MMP26: variants seen among roughly 807,000 people sequenced by gnomAD.
MMP26 encodes matrix metalloproteinase-26.
MMP26 carries 33 observed loss-of-function variants against 31.0 expected under a neutral mutation model. The ratio of observed to expected loss-of-function variants is 1.06; its 90% CI spans 0.81 to 1.42. The LOEUF is 1.42. Among genes scored for constraint, MMP26 ranks in the 40% most tolerant of loss-of-function variants. The pLI is 0.00. For missense variants in MMP26, 347 were observed against 316.1 expected (o/e 1.10, Z -0.74); for synonymous variants, 122 against 114.9 (o/e 1.06, Z -0.40).
intron 2 of MMP26, among the ~76,000 whole-genome samples, chr11:4,979,695 C>T (rs917570374): frequency 2.6e-5 from 4 of 152,060 alleles, no homozygotes; most frequent in Admixed American, 2.0e-4. Flanking sequence ...CTTGTGTGGT[C>T]TCTGCAGACT....
chr11:4,820,793 A>G (rs11034067), intron 2 of MMP26, among the ~76,000 whole-genome samples: 16,064 of 152,248 alleles, frequency 0.11, 1,032 homozygotes, highest in Middle Eastern at 0.17. Flanking sequence ...TGTACGATCT[A>G]TCTCCAAGAG....
At chr11:4,923,853 A>G in intron 2 of MMP26, 2 of 1,614,012 alleles carry the variant, frequency 1.2e-6, no homozygotes, top group Non-Finnish European at 1.7e-6. Context: ...TTCAGGAGGA[A>G]TGGCAAGGGG....
intron 1 of MMP26, among the ~76,000 whole-genome samples, chr11:4,731,416 A>G (rs1848171835): frequency 2.6e-5 from 4 of 152,042 alleles, no homozygotes; most frequent in Admixed American, 2.6e-4. Context: ...TGTATAGCTC[A>G]TTTGTGTAAG....
At chr11:4,746,916 T>C (rs987980968) in intron 1 of MMP26, among the ~76,000 whole-genome samples, 2 of 151,896 alleles carry the variant, frequency 1.3e-5, no homozygotes, top group African/African-American at 4.8e-5. Context: ...GTCTCAGTTC[T>C]TAAGGCCACA....
At position 4,716,856 on chromosome 11, in the gene MMP26, T is replaced by C. The variant is rs543706908; in HGVS notation, c.-217+11811T>C. Among the ~76,000 whole-genome samples, 5 of 151,694 alleles carry C rather than the reference T, an allele frequency of 3.3e-5. No homozygotes were observed. The South Asian group carries it at 1.0e-3, about 32-fold the overall frequency. Reference sequence around the variant, plus strand: ...TTTTGTATTTTTAGTAGAGATGGGGTCTCACCATTTTGGCCAGGCTGGTCT... The same window carrying C: ...TTTTGTATTTTTAGTAGAGATGGGGCCTCACCATTTTGGCCAGGCTGGTCT... On this transcript the variant is annotated intron_variant, in intron 1 of 7. Transcript: ENST00000380390.
At chr11:4,783,516 A>T (rs541896305) in intron 2 of MMP26, among the ~76,000 whole-genome samples, 1 of 152,202 alleles carries the variant, frequency 6.6e-6, no homozygotes, top group South Asian at 2.1e-4. Context: ...CTTGGATGAG[A>T]CTTTGGACTG....
intron 2 of MMP26, among the ~76,000 whole-genome samples, chr11:4,978,899 T>C (rs889468447): frequency 6.6e-6 from 1 of 152,140 alleles, no homozygotes; most frequent in Non-Finnish European, 1.5e-5. Context: ...AGAAAAGGAC[T>C]ATACCCTAAA....
chr11:4,913,626 T>A (rs1851026332), intron 2 of MMP26: 1 of 152,212 alleles, frequency 6.6e-6, no homozygotes, highest in South Asian at 2.1e-4. Context: ...TTCCTTGGCT[T>A]ATAATCTCTT....
At chr11:4,908,138 CT>C in intron 2 of MMP26, 4 of 1,614,202 alleles carry the variant, frequency 2.5e-6, no homozygotes, top group Non-Finnish European at 3.4e-6. Flanking sequence ...CATCATCACC[CT>C]GGCTGCCATG....
chr11:4,860,392 T>C (rs1335567087), intron 2 of MMP26: 4 of 471,098 alleles, frequency 8.5e-6, no homozygotes, highest in South Asian at 1.5e-5. Context: ...CGTGGGCTCA[T>C]GGAGACTTGG....
chr11:4,825,902 G>C (rs976122580), intron 2 of MMP26, among the ~76,000 whole-genome samples: 1 of 152,110 alleles, frequency 6.6e-6, no homozygotes, highest in African/African-American at 2.4e-5. Context: ...TCAATCAAAA[G>C]ACAGAAATCA....
intron 2 of MMP26, among the ~76,000 whole-genome samples, chr11:4,856,676 T>G (rs1291013269): frequency 1.3e-5 from 2 of 152,216 alleles, no homozygotes; most frequent in East Asian, 3.9e-4. Context: ...GACAGAAGGT[T>G]AACAAGGATA....
chr11:4,736,495 C>G (rs1848242443), intron 1 of MMP26: 1 of 152,202 alleles, frequency 6.6e-6, no homozygotes, highest in Non-Finnish European at 1.5e-5. Context: ...ACTATGAGGG[C>G]AGTGAGTCCT....
intron 2 of MMP26, among the ~76,000 whole-genome samples, chr11:4,775,747 TGAGA>T (rs35696328): frequency 3.9e-4 from 54 of 139,764 alleles, no homozygotes; most frequent in Non-Finnish European, 5.3e-4. Context: ...AGGAAGTGAG[TGAGA>T]GAGAGAGAGA....
intron 2 of MMP26, chr11:4,913,480 T>C (rs1851023643): frequency 1.3e-5 from 2 of 152,210 alleles, no homozygotes; most frequent in African/African-American, 4.8e-5. Context: ...AAGCTTGCTT[T>C]CCTCACAGTT....
In MMP26 at chr11:4,756,994, T is replaced by TC. The variant is rs1848512628; in HGVS notation, c.-216-10275dup. Reference sequence around the variant, plus strand: ...ATGTAATATCAACAAGTCTTTTTTTTCTGTAAAAACTGACACTCATTCTAT... The same window carrying TC: ...ATGTAATATCAACAAGTCTTTTTTTTCCTGTAAAAACTGACACTCATTCTAT... On this transcript the variant is annotated intron_variant, in intron 1 of 7. Transcript: ENST00000380390. Among the ~76,000 whole-genome samples the TC allele has an allele frequency of 6.6e-5, 10 of 152,232 alleles. No homozygotes were observed. The Middle Eastern group carries it at 0.034, about 518-fold the overall frequency.
At chr11:4,862,118 C>T (rs979078517) in intron 2 of MMP26, among the ~76,000 whole-genome samples, 3 of 152,180 alleles carry the variant, frequency 2.0e-5, no homozygotes, top group Non-Finnish European at 4.4e-5. Context: ...CTCTCCTTTA[C>T]CTAAGCAAAG....
chr11:4,717,476 A>G (rs1379988079), intron 1 of MMP26, among the ~76,000 whole-genome samples: 2 of 152,020 alleles, frequency 1.3e-5, no homozygotes, highest in Admixed American at 1.3e-4. Flanking sequence ...TGAGAAAGAG[A>G]TATTAACCAG....
At chr11:4,900,485 T>C (rs181344103) in intron 2 of MMP26, among the ~76,000 whole-genome samples, 74 of 152,308 alleles carry the variant, frequency 4.9e-4, no homozygotes, top group Admixed American at 1.9e-3. Flanking sequence ...TTATCAGCCT[T>C]GTTGAGTGGG....
Sources: gnomAD v4.1 joint callset for allele counts (sites outside exome capture counted in the v4.1 genomes callset) on GRCh38, gnomAD v4.1.1 for gene constraint, MANE v1.5 for transcripts, NCBI Gene and HGNC (gene_info 2026-07-23, HGNC 2026-07-21) for gene names.